The following EFCAB6 variants were observed in gnomAD, a reference collection of about 807,000 sequenced individuals.
The protein encoded by EFCAB6 is EF-hand calcium binding domain 6.
In EFCAB6, 156 loss-of-function variants were observed where a neutral mutation model predicts 169.8. The ratio of observed to expected loss-of-function variants is 0.92; its 90% confidence interval spans 0.81 to 1.05. The LOEUF is 1.05. Ranked by LOEUF, EFCAB6 falls within the 50% of genes least tolerant of loss-of-function variation. EFCAB6 has a pLI of 0.00. For synonymous variants in EFCAB6, 698 were observed against 676.4 expected (o/e 1.03, Z -0.50); for missense variants, 1,800 against 1,829.1 (o/e 0.98, Z 0.29).
chr22:43,588,356 G>A (rs984073913), intron 24 of EFCAB6, among the ~76,000 whole-genome samples: 1 of 152,190 alleles, frequency 6.6e-6, no homozygotes, highest in African/African-American at 2.4e-5. Flanking sequence ...AAAGCCTATT[G>A]TTAATACCTT....
Position 43,537,754 on chromosome 22 carries a change from TA to T in EFCAB6, c.3880-210del, listed in dbSNP as rs1173060893. Among the ~76,000 whole-genome samples, 3 of 152,188 alleles carry T rather than the reference TA, an allele frequency of 2.0e-5. No individual in the cohort carries two copies. The highest frequency in any genetic ancestry group is 4.4e-5 in the Non-Finnish European group (3 of 68,028). On this transcript the variant is annotated intron_variant, in intron 28 of 31. Coordinates refer to ENST00000262726, the MANE Select transcript of EFCAB6 (RefSeq NM_022785.4). This position sits in a 1 kb window ranked among gnomAD's most constrained non-coding sequence, Gnocchi z 4.3. Reference sequence around the variant, plus strand: ...TATATGTACTTATGCCAAGCCATAATAACCAAAATAATTTTGGAAATAGCCA... The same window carrying T: ...TATATGTACTTATGCCAAGCCATAATACCAAAATAATTTTGGAAATAGCCA...
intron 23 of EFCAB6, among the ~76,000 whole-genome samples, chr22:43,593,673 T>C (rs16990792): frequency 0.015 from 2,258 of 152,314 alleles, 30 homozygotes; most frequent in East Asian, 0.066. Context: ...GTTGAGCTAT[T>C]ACACTTCATC....
chr22:43,561,823 C>T (rs928175772), intron 26 of EFCAB6, among the ~76,000 whole-genome samples: 4 of 152,082 alleles, frequency 2.6e-5, no homozygotes, highest in Admixed American at 1.3e-4. Flanking sequence ...AAATGTTTCT[C>T]CTAATCAAAA....
chr22:43,658,752 T>A (rs1229964638), intron 17 of EFCAB6, among the ~76,000 whole-genome samples: 1 of 152,130 alleles, frequency 6.6e-6, no homozygotes, highest in Non-Finnish European at 1.5e-5. Flanking sequence ...TAACAACTTC[T>A]GAAGGTTGTG....
intron 20 of EFCAB6, among the ~76,000 whole-genome samples, chr22:43,620,221 A>G (rs1430596874): frequency 6.6e-6 from 1 of 152,082 alleles, no homozygotes; most frequent in Non-Finnish European, 1.5e-5. Flanking sequence ...GCTGAGGTGG[A>G]TCACTTGGAC....
chr22:43,598,353 A>G lies in EFCAB6; in HGVS notation c.2876+1716T>C, dbSNP rs114346884. Among the ~76,000 whole-genome samples the G allele has an allele frequency of 3.6e-3, 545 of 149,404 alleles. 4 individuals carry two copies. The highest frequency in any genetic ancestry group is 0.012 in the African/African-American group (497 of 40,564). Reference sequence around the variant, plus strand: ...AAAAAAAAAAAGGTTGATCTCAGACAGATAAAGAGTAAATTACCAGAGGCT... The same window carrying G: ...AAAAAAAAAAAGGTTGATCTCAGACGGATAAAGAGTAAATTACCAGAGGCT... On this transcript the variant is annotated intron_variant, in intron 23 of 31. Coordinates refer to ENST00000262726, the MANE Select transcript of EFCAB6 (RefSeq NM_022785.4).
At chr22:43,531,857 T>C (rs1054951993) in intron 30 of EFCAB6, among the ~76,000 whole-genome samples, 1 of 152,196 alleles carries the variant, frequency 6.6e-6, no homozygotes, top group Non-Finnish European at 1.5e-5. Context: ...CCCCCACCTC[T>C]GACCCACCTT....
Position 43,613,149 on chromosome 22 carries a change from CATAT to C in EFCAB6, c.2562+2673_2562+2676del, listed in dbSNP as rs935981063. Among the ~76,000 whole-genome samples, 4 of 146,546 alleles carry C rather than the reference CATAT, an allele frequency of 2.7e-5. No homozygotes were observed. In the East Asian group the frequency reaches 7.8e-4, roughly 29 times the overall value. On this transcript the variant is annotated intron_variant, in intron 21 of 31. Transcript: ENST00000262726. Reference sequence around the variant, plus strand: ...TTATATAACATAAATATATAAATATCATATATAAATATTTTATATAATTTATTTA... The same window carrying C: ...TTATATAACATAAATATATAAATATCATAAATATTTTATATAATTTATTTA...
chr22:43,632,524 T>G (rs1667209432), intron 18 of EFCAB6, among the ~76,000 whole-genome samples: 1 of 152,142 alleles, frequency 6.6e-6, no homozygotes, highest in Admixed American at 6.5e-5. Flanking sequence ...GGTCTCAAAC[T>G]CCTGATCTCA....
chr22:43,673,666 G>C (rs910942372), intron 13 of EFCAB6, among the ~76,000 whole-genome samples: 3 of 152,144 alleles, frequency 2.0e-5, no homozygotes, highest in African/African-American at 7.2e-5. Context: ...TATAATCCCA[G>C]CTACTCGGGA....
At chr22:43,598,080 G>C (rs539808345) in intron 23 of EFCAB6, among the ~76,000 whole-genome samples, 11 of 152,248 alleles carry the variant, frequency 7.2e-5, no homozygotes, top group Admixed American at 2.0e-4. Context: ...AGGAGGCTGA[G>C]GCAGGTGGGT....
chr22:43,756,391 A>G (rs1279307541), intron 5 of EFCAB6, among the ~76,000 whole-genome samples: 1 of 152,146 alleles, frequency 6.6e-6, no homozygotes, highest in Non-Finnish European at 1.5e-5. Flanking sequence ...TGCTCAGTGA[A>G]GGGCTTCGTG....
chr22:43,659,225 T>A (rs558606744), intron 17 of EFCAB6, among the ~76,000 whole-genome samples: 1 of 152,354 alleles, frequency 6.6e-6, no homozygotes, highest in African/African-American at 2.4e-5. Flanking sequence ...CTTTTGTGTT[T>A]TTCCCCCTCA....
chr22:43,560,706 T>G (rs1287435670), intron 26 of EFCAB6, among the ~76,000 whole-genome samples: 1 of 152,174 alleles, frequency 6.6e-6, no homozygotes, highest in African/African-American at 2.4e-5. Context: ...AACATTATCC[T>G]CCTCAACAAG....
At chr22:43,669,073 A>G in intron 15 of EFCAB6, 28 bp from the exon 16 acceptor site, 1 of 1,570,154 alleles carries the variant, frequency 6.4e-7, no homozygotes, top group Non-Finnish European at 8.6e-7. Context: ...ATTAAAACAC[A>G]CTCAGTAGAG....
rs187184259 is a variant in EFCAB6 at position 43,609,204 on chromosome 22, G to C, written c.2563-604C>G. ...TGGATATAACGGGTACATCTACAGA[G>C]TTCTCTGCAAGTATGATACTTAATA... On this transcript the variant is annotated intron_variant, in intron 21 of 31. Coordinates refer to ENST00000262726, the MANE Select transcript of EFCAB6 (RefSeq NM_022785.4). Among the ~76,000 whole-genome samples the C allele has an allele frequency of 2.0e-5, 3 of 152,268 alleles. No homozygotes were observed. In the East Asian group the frequency reaches 5.8e-4, roughly 29 times the overall value.
At position 43,760,225 on chromosome 22, in the gene EFCAB6, AAG is replaced by A. The variant is rs1350480471; in HGVS notation, c.441-4395_441-4394del. 3.1e-5 allele frequency among the ~76,000 whole-genome samples: 3 copies of A among 96,126 alleles called. No individual in the cohort carries two copies. In the South Asian group the frequency reaches 1.1e-3, roughly 35 times the overall value. 63.1% of individuals were successfully genotyped at this position (96,126 alleles called of 152,430 possible). A position where few individuals can be genotyped will look rare whatever the true frequency, so the allele number is the denominator to read the frequency against. On this transcript the variant is annotated intron_variant, in intron 5 of 31. Transcript: ENST00000262726. ...TCTCAAAAAAAAAAAAAAAAGAAAA[AAG>A]AAAAAAAAAGAAAACAAATATAAGT... is the stretch of plus-strand genomic sequence containing the variant.
chr22:43,623,712 A>T (rs77020130), intron 20 of EFCAB6, among the ~76,000 whole-genome samples: 3 of 143,330 alleles, frequency 2.1e-5, no homozygotes, highest in Admixed American at 7.0e-5. Flanking sequence ...TGGCTAACAT[A>T]GTGAAACCCC....
Position 43,528,863 on chromosome 22 carries a change from A to G in EFCAB6, c.4496T>C (p.Phe1499Ser), listed in dbSNP as rs1602055338. The part of the protein sequence containing the change: ...KISYNDFLRA[F>S]LQ ...ACACAGCAGGGGTGTCTACTGGAGGAATGCCCGGAGGAAGTCGTTGTAGGA... is the reference window on the plus strand; with the variant it reads ...ACACAGCAGGGGTGTCTACTGGAGGGATGCCCGGAGGAAGTCGTTGTAGGA... The change falls in exon 32 of 32, where the codon TTC becomes TCC. Residue 1499 changes from phenylalanine (F) to serine (S), a missense_variant. Physicochemically the swap from Phe to Ser is radical, Grantham distance 155. Coordinates refer to ENST00000262726, the MANE Select transcript of EFCAB6 (RefSeq NM_022785.4). 2 of 1,608,018 alleles carry G rather than the reference A, an allele frequency of 1.2e-6. No individual in the cohort carries two copies. Among genetic ancestry groups the G allele is most frequent in the Admixed American group, 3.3e-5 (2 of 59,974 alleles).
Sources: allele counts gnomAD v4.1 joint callset (sites outside exome capture counted in the v4.1 genomes callset), GRCh38; gene constraint gnomAD v4.1.1; non-coding constraint Gnocchi (gnomAD v3.1); transcripts MANE v1.5; gene names NCBI Gene and HGNC (gene_info 2026-07-23, HGNC 2026-07-21).